The following RIMS2 variants were observed in gnomAD, a reference collection of about 807,000 sequenced individuals.
RIMS2 encodes the protein regulating synaptic membrane exocytosis protein 2.
Under a neutral mutation model 174.4 loss-of-function variants are expected in RIMS2, and 59 were observed. That is an observed-to-expected ratio of 0.34 (90% confidence interval 0.27 to 0.42). RIMS2 has a LOEUF of 0.42. Ranked by LOEUF, RIMS2 falls within the 10% of genes least tolerant of loss-of-function variation. RIMS2 has a pLI of 1.00. For missense variants in RIMS2, 1,620 were observed against 1,666.3 expected (o/e 0.97, Z 0.48); for synonymous variants, 606 against 572.5 (o/e 1.06, Z -0.84).
intron 2 of RIMS2, among the ~76,000 whole-genome samples, chr8:103,729,068 G>T (rs975329520): frequency 3.9e-5 from 6 of 151,978 alleles, no homozygotes; most frequent in African/African-American, 1.2e-4. Flanking sequence ...TCTGATTTTG[G>T]TATCAGGGTC....
chr8:103,711,119 CTT>C (rs1350401344), intron 2 of RIMS2, among the ~76,000 whole-genome samples: 1 of 152,136 alleles, frequency 6.6e-6, no homozygotes, highest in Non-Finnish European at 1.5e-5. Context: ...GTGGATCTTT[CTT>C]TTTCAACTCA....
intron 3 of RIMS2, among the ~76,000 whole-genome samples, chr8:103,836,027 G>A (rs1446899405): frequency 6.6e-6 from 1 of 152,106 alleles, no homozygotes; most frequent in Admixed American, 6.5e-5. Context: ...AGAGACAAAA[G>A]CTATCATACT....
At chr8:103,836,483 C>T (rs1489381531) in intron 3 of RIMS2, among the ~76,000 whole-genome samples, 2 of 152,120 alleles carry the variant, frequency 1.3e-5, no homozygotes, top group African/African-American at 4.8e-5. Context: ...GATCATTGAG[C>T]CCAAGAGTTG....
At chr8:103,849,482 T>C (rs1358832664) in intron 3 of RIMS2, among the ~76,000 whole-genome samples, 1 of 152,062 alleles carries the variant, frequency 6.6e-6, no homozygotes, top group Admixed American at 6.6e-5. Context: ...TAATCCTCGC[T>C]GTGTGTTTAT....
rs182956980 is a variant in RIMS2 at position 103,942,689 on chromosome 8, T to C, written c.2548-84T>C. 8.5e-5 allele frequency: 82 copies of C among 959,182 alleles called. No individual in the cohort carries two copies. The African/African-American group carries it at 1.2e-3, about 13-fold the overall frequency. 59.4% of individuals were successfully genotyped at this position (959,182 alleles called of 1,614,324 possible). ...TGTAATAGCATTACTATTATAATTA[T>C]TACTACAAAAGTTATAGGACCATTT... On this transcript the variant is annotated intron_variant, in intron 13 of 23. Transcript: ENST00000504942.
intron 3 of RIMS2, among the ~76,000 whole-genome samples, chr8:103,847,406 A>T (rs1459440106): frequency 6.6e-6 from 1 of 152,126 alleles, no homozygotes; most frequent in Non-Finnish European, 1.5e-5. Flanking sequence ...GCATTTTGCT[A>T]TCAGACTAAA....
chr8:104,078,105 C>G (rs560747978), intron 19 of RIMS2, among the ~76,000 whole-genome samples: 1 of 151,430 alleles, frequency 6.6e-6, no homozygotes, highest in Non-Finnish European at 1.5e-5. Context: ...GATCGCTGCA[C>G]TCCAACCTGG....
intron 1 of RIMS2, among the ~76,000 whole-genome samples, chr8:103,516,135 T>C (rs900074952): frequency 1.3e-5 from 2 of 152,130 alleles, no homozygotes; most frequent in Admixed American, 1.3e-4. Context: ...TATTATGCTT[T>C]GTTATTTTAA....
At chr8:104,093,703 C>A in intron 19 of RIMS2, 60 bp downstream of exon 24, 2 of 1,290,852 alleles carry the variant, frequency 1.5e-6, no homozygotes, top group Non-Finnish European at 2.1e-6. Context: ...TTATGTTTCC[C>A]GGATGAACAT....
At chr8:104,092,590 A>T (rs568878248) in intron 19 of RIMS2, among the ~76,000 whole-genome samples, 1 of 151,874 alleles carries the variant, frequency 6.6e-6, no homozygotes, top group East Asian at 1.9e-4. Context: ...GCAAAAAAAG[A>T]TATTATTATC....
chr8:103,989,360 A>G, exon 17 of RIMS2: 1 of 1,613,802 alleles, frequency 6.2e-7, no homozygotes, highest in Non-Finnish European at 8.5e-7. Context: ...ACATTATAAT[A>G]CAATTAGCCG....
At chr8:103,826,263 T>C (rs1395488872) in intron 3 of RIMS2, among the ~76,000 whole-genome samples, 1 of 152,144 alleles carries the variant, frequency 6.6e-6, no homozygotes, top group East Asian at 1.9e-4. Context: ...TCCATTGTGG[T>C]TTTTATTTTC....
At chr8:103,902,809 T>C (rs993301730) in intron 4 of RIMS2, among the ~76,000 whole-genome samples, 7 of 152,150 alleles carry the variant, frequency 4.6e-5, no homozygotes, top group Non-Finnish European at 1.0e-4. Flanking sequence ...ATATTGTCGT[T>C]ATTATTTGAA....
chr8:103,741,309 G>A (rs2097759618), intron 2 of RIMS2, among the ~76,000 whole-genome samples: 1 of 152,040 alleles, frequency 6.6e-6, no homozygotes, highest in East Asian at 1.9e-4. Flanking sequence ...AGATGCAAAT[G>A]CTGAGGAAAT....
At chr8:103,927,978 T>A in intron 11 of RIMS2, 1 of 997,476 alleles carries the variant, frequency 1.0e-6, no homozygotes. Flanking sequence ...GAAAACTTTT[T>A]TTGTTATGTT....
chr8:103,568,823 A>T, intron 1 of RIMS2: 2 of 1,136,330 alleles, frequency 1.8e-6, no homozygotes, highest in Non-Finnish European at 2.6e-6. Flanking sequence ...GAAGCTGAGC[A>T]TATTCTTCTG....
chr8:104,222,527 T>C (rs1308253316), intron 19 of RIMS2, among the ~76,000 whole-genome samples: 4 of 152,170 alleles, frequency 2.6e-5, no homozygotes, highest in Admixed American at 2.0e-4. Context: ...CTTCCCTAGA[T>C]TGGGAAACAG....
At chr8:103,910,346 A>G (rs754469766) in intron 5 of RIMS2, 67 of 1,600,240 alleles carry the variant, frequency 4.2e-5, no homozygotes, top group Non-Finnish European at 1.3e-5. Context: ...GAAAAAGAAA[A>G]ACTAGTGAGC....
chr8:103,728,085 AT>A (rs1448453620), intron 2 of RIMS2, among the ~76,000 whole-genome samples: 1 of 151,686 alleles, frequency 6.6e-6, no homozygotes, highest in Admixed American at 6.6e-5. Context: ...ATATCTTTTC[AT>A]TTTTTTGTGT....
Sources: gnomAD v4.1 joint callset for allele counts (sites outside exome capture counted in the v4.1 genomes callset) on GRCh38, gnomAD v4.1.1 for gene constraint, MANE v1.5 for transcripts, NCBI Gene and HGNC (gene_info 2026-07-23, HGNC 2026-07-21) for gene names.